NCAM2: variants seen among roughly 807,000 people sequenced by gnomAD.
NCAM2 encodes N-CAM-2.
Under a neutral mutation model 98.1 loss-of-function variants are expected in NCAM2, and 30 were observed. The observed-to-expected ratio is 0.31, with a 90% CI of 0.23 to 0.41. The LOEUF is 0.41. Ranked by LOEUF, NCAM2 falls within the 10% of genes least tolerant of loss-of-function variation. NCAM2 has a pLI of 1.00. For missense variants in NCAM2, 867 were observed against 1,005.8 expected (o/e 0.86, Z 1.87); for synonymous variants, 368 against 342.4 (o/e 1.07, Z -0.83).
At chr21:21,472,231 G>T (rs1345646921) in intron 14 of NCAM2, among the ~76,000 whole-genome samples, 1 of 151,864 alleles carries the variant, frequency 6.6e-6, no homozygotes, top group Non-Finnish European at 1.5e-5. Context: ...CAATTGTAAG[G>T]AAGTACTATA....
intron 1 of NCAM2, among the ~76,000 whole-genome samples, chr21:21,071,998 C>T (rs566452920): frequency 3.3e-4 from 49 of 150,468 alleles, no homozygotes; most frequent in African/African-American, 1.1e-3. Flanking sequence ...CTGCAAGCTC[C>T]GCCTCCCGGG....
In NCAM2 at chr21:21,466,817, C is replaced by T. The variant is rs182590459; in HGVS notation, c.1774+92C>T. 1,476 of 1,260,168 alleles carry T rather than the reference C, an allele frequency of 1.2e-3. 1 individual carries two copies. Among genetic ancestry groups the T allele is most frequent in the Non-Finnish European group, 1.5e-3 (1,354 of 906,892 alleles). The allele number at this position is 1,260,168 out of a possible 1,614,324, so 78.1% of individuals were successfully genotyped here. On this transcript the variant is annotated intron_variant, in intron 13 of 17. Transcript: ENST00000400546. Reference sequence around the variant, plus strand: ...TAAAATGTAGGGAGATGTTTCAACACTTTTGAGACATGAATTATGTCTTTG... The same window carrying T: ...TAAAATGTAGGGAGATGTTTCAACATTTTTGAGACATGAATTATGTCTTTG...
intron 5 of NCAM2, among the ~76,000 whole-genome samples, chr21:21,308,962 G>A (rs912822322): frequency 2.0e-5 from 3 of 151,746 alleles, no homozygotes; most frequent in East Asian, 3.9e-4. Context: ...TTCATCTCAG[G>A]CACTTTAGCT....
intron 1 of NCAM2, among the ~76,000 whole-genome samples, chr21:21,159,474 A>G (rs184633850): frequency 1.8e-4 from 28 of 152,180 alleles, no homozygotes; most frequent in African/African-American, 6.7e-4. Context: ...CAGGTGTTCA[A>G]TTGTTTATCT....
At chr21:21,146,684 G>T (rs73894467) in intron 1 of NCAM2, among the ~76,000 whole-genome samples, 120 of 151,772 alleles carry the variant, frequency 7.9e-4, no homozygotes, top group African/African-American at 2.8e-3. Context: ...TTTCTTAACA[G>T]CAATACATTT....
chr21:21,466,554 G>T (rs375235170), intron 12 of NCAM2, 52 bp from the exon 13 acceptor site: 2 of 1,227,914 alleles, frequency 1.6e-6, no homozygotes. Context: ...TGTCCAATTA[G>T]ATATATATGT....
intron 7 of NCAM2, 50 bp from the exon 8 acceptor site, chr21:21,338,339 A>G: frequency 2.0e-6 from 3 of 1,536,930 alleles, no homozygotes; most frequent in Non-Finnish European, 2.7e-6. Context: ...TTGTCTGAGA[A>G]GTAATATTTT....
chr21:21,442,320 G>A (rs990987655), intron 12 of NCAM2, among the ~76,000 whole-genome samples: 1 of 152,242 alleles, frequency 6.6e-6, no homozygotes, highest in African/African-American at 2.4e-5. Flanking sequence ...ATATTTTAAA[G>A]GTAGTGTCCA....
intron 9 of NCAM2, among the ~76,000 whole-genome samples, chr21:21,385,395 C>CACACAT (rs141149066): frequency 0.02 from 3,012 of 150,652 alleles, 69 homozygotes; most frequent in African/African-American, 0.061. Context: ...CACACACACA[C>CACACAT]ACACGCACAC....
At chr21:21,504,037 A>G (rs972632045) in intron 15 of NCAM2, among the ~76,000 whole-genome samples, 1 of 151,960 alleles carries the variant, frequency 6.6e-6, no homozygotes, top group Non-Finnish European at 1.5e-5. Flanking sequence ...TATTAAAGGT[A>G]TATGGATATT....
At chr21:21,518,735 T>C (rs1197095056) in intron 16 of NCAM2, among the ~76,000 whole-genome samples, 1 of 152,106 alleles carries the variant, frequency 6.6e-6, no homozygotes, top group African/African-American at 2.4e-5. Context: ...CAAATATTTA[T>C]GGAATAAATG....
At chr21:21,240,274 A>G (rs910922996) in intron 1 of NCAM2, among the ~76,000 whole-genome samples, 2 of 152,096 alleles carry the variant, frequency 1.3e-5, no homozygotes, top group Non-Finnish European at 2.9e-5. Context: ...TTAAAAAGTA[A>G]TGTGCCAAAG....
chr21:21,107,824 A>G (rs1302507626), intron 1 of NCAM2, among the ~76,000 whole-genome samples: 1 of 152,100 alleles, frequency 6.6e-6, no homozygotes, highest in African/African-American at 2.4e-5. Flanking sequence ...TGCTTCAACC[A>G]CGGTGTCACT....
At chr21:21,434,220 C>CTA (rs934545938) in intron 12 of NCAM2, among the ~76,000 whole-genome samples, 13 of 152,106 alleles carry the variant, frequency 8.5e-5, no homozygotes, top group African/African-American at 3.1e-4. Context: ...CATTCAGAGT[C>CTA]TATATAAGTA....
intron 1 of NCAM2, among the ~76,000 whole-genome samples, chr21:21,020,669 C>T (rs757853294): frequency 4.6e-5 from 7 of 152,206 alleles, no homozygotes; most frequent in Non-Finnish European, 1.0e-4. Flanking sequence ...GAGTTCCTCC[C>T]ATAACCTGTG....
At chr21:21,193,100 A>T (rs2068879392) in intron 1 of NCAM2, among the ~76,000 whole-genome samples, 1 of 152,158 alleles carries the variant, frequency 6.6e-6, no homozygotes, top group Non-Finnish European at 1.5e-5. Context: ...CCGTTTATGG[A>T]TTATTCAAGG....
chr21:21,286,016 T>C (rs1207975122), intron 3 of NCAM2, among the ~76,000 whole-genome samples: 1 of 151,938 alleles, frequency 6.6e-6, no homozygotes, highest in African/African-American at 2.4e-5. Context: ...GAAATTGAGA[T>C]TGGAGTTGAG....
chr21:21,284,351 A>C lies in NCAM2; in HGVS notation c.288A>C (p.Thr96=). ...EDAGIYRCQA[T]DAKGQTQEAT... ...CAGGGATATATCGTTGTCAAGCAACAGATGCCAAAGGACAAACACAAGAAG... is the reference window on the plus strand; with the variant it reads ...CAGGGATATATCGTTGTCAAGCAACCGATGCCAAAGGACAAACACAAGAAG... Residue 96 remains threonine (T), a synonymous_variant, in exon 3 of 18, where the codon ACA becomes ACC. Coordinates refer to ENST00000400546, the MANE Select transcript of NCAM2 (RefSeq NM_004540.5). The C allele has an allele frequency of 6.2e-7, 1 of 1,612,894 alleles. No individual in the cohort carries two copies. Among genetic ancestry groups the C allele is most frequent in the Non-Finnish European group, 8.5e-7 (1 of 1,179,182 alleles).
chr21:21,366,536 C>A (rs553020374), intron 8 of NCAM2, among the ~76,000 whole-genome samples: 10 of 152,026 alleles, frequency 6.6e-5, no homozygotes, highest in Non-Finnish European at 1.3e-4. Context: ...TCATCAAAAT[C>A]TCAGTAGCTT....
Sources: gnomAD v4.1 joint callset for allele counts (sites outside exome capture counted in the v4.1 genomes callset) on GRCh38, gnomAD v4.1.1 for gene constraint, MANE v1.5 for transcripts, NCBI Gene and HGNC (gene_info 2026-07-23, HGNC 2026-07-21) for gene names.